Variants in FBXL5 observed in about 807,000 individuals in gnomAD.
FBXL5 encodes F-box and leucine rich repeat protein 5, also known as F-box/LRR-repeat protein 5.
A neutral mutation model predicts 78.3 loss-of-function variants in FBXL5; 26 were observed. The observed-to-expected ratio is 0.33, with a 90% CI of 0.24 to 0.46. The LOEUF (loss-of-function observed/expected upper bound fraction) is 0.46, where lower values mean the gene tolerates loss of function less well. Ranked by LOEUF, FBXL5 falls within the 20% of genes least tolerant of loss-of-function variation. FBXL5 has a pLI of 1.00. For missense variants in FBXL5, 710 were observed against 829.2 expected, an observed-to-expected ratio of 0.86 and a Z score of 1.77; for synonymous variants, 295 against 282.5, an observed-to-expected ratio of 1.04 and a Z score of -0.45.
intron 1 of FBXL5, among the ~76,000 whole-genome samples, chr4:15,648,500 G>A (rs1178748649): frequency 6.6e-6 from 1 of 152,096 alleles, no homozygotes; most frequent in African/African-American, 2.4e-5. Context: ...GTCCACAAAT[G>A]AGTAAAGAAA....
chr4:15,680,909 TTATATA>T (rs1718223364), intron 1 of FBXL5, among the ~76,000 whole-genome samples: 3 of 148,774 alleles, frequency 2.0e-5, no homozygotes, highest in South Asian at 4.2e-4. Flanking sequence ...GCAGTATATA[TTATATA>T]TATAAGAATA....
At chr4:15,672,312 A>G (rs1429644061) in intron 1 of FBXL5, among the ~76,000 whole-genome samples, 1 of 152,210 alleles carries the variant, frequency 6.6e-6, no homozygotes, top group East Asian at 1.9e-4. Context: ...TCTGAGCACG[A>G]CACAATTACA....
At chr4:15,619,662 T>C (rs986657431) in intron 9 of FBXL5, among the ~76,000 whole-genome samples, 1 of 152,036 alleles carries the variant, frequency 6.6e-6, no homozygotes, top group Admixed American at 6.6e-5. Context: ...CCAGAGCAAT[T>C]AGACAAGAAA....
chr4:15,610,222 CTTCT>C (rs1410962660), intron 10 of FBXL5, among the ~76,000 whole-genome samples: 1 of 152,040 alleles, frequency 6.6e-6, no homozygotes, highest in Admixed American at 6.6e-5. Flanking sequence ...TACAACACAA[CTTCT>C]TTCTAACACT....
chr4:15,629,889 G>C (rs1016768161), intron 6 of FBXL5, among the ~76,000 whole-genome samples: 7 of 151,830 alleles, frequency 4.6e-5, no homozygotes, highest in Non-Finnish European at 1.0e-4. Context: ...ATTTCCTATA[G>C]TTTCAGTTTT....
upstream of FBXL5, among the ~76,000 whole-genome samples, chr4:15,657,914 A>G (rs1212847312): frequency 1.3e-5 from 2 of 152,208 alleles, no homozygotes; most frequent in Non-Finnish European, 2.9e-5. Context: ...GATAATTCCA[A>G]CAGACCATCT....
chr4:15,627,680 T>C (rs191734520), intron 7 of FBXL5, among the ~76,000 whole-genome samples: 4 of 152,258 alleles, frequency 2.6e-5, no homozygotes, highest in East Asian at 1.9e-4. Flanking sequence ...CTGTAACATA[T>C]AGGTAATGAT....
chr4:15,628,487 T>G (rs1477929784), intron 6 of FBXL5, among the ~76,000 whole-genome samples: 1 of 152,060 alleles, frequency 6.6e-6, no homozygotes, highest in South Asian at 2.1e-4. Flanking sequence ...ACATCCACCA[T>G]GAAAACACCA....
intron 6 of FBXL5, 79 bp from the exon 7 acceptor site, chr4:15,628,112 A>G: frequency 2.3e-6 from 3 of 1,330,902 alleles, no homozygotes; most frequent in Non-Finnish European, 3.1e-6. Flanking sequence ...CAAATTGTTA[A>G]ATATGACATA....
chr4:15,674,100 T>C (rs1717872154), intron 1 of FBXL5, among the ~76,000 whole-genome samples: 1 of 152,168 alleles, frequency 6.6e-6, no homozygotes, highest in South Asian at 2.1e-4. Context: ...TCCAACACTC[T>C]GAATCAAAAA....
In FBXL5 at chr4:15,638,513, T is replaced by C; in HGVS notation, c.578A>G (p.Asp193Gly). The change falls in exon 4 of 11, where the codon GAT (aspartate) becomes GGT (glycine). Residue 193 changes from aspartate (D) to glycine (G), a missense_variant. Coordinates refer to ENST00000341285, the MANE Select transcript of FBXL5 (RefSeq NM_012161.4). ...TTTATATATATGAATCTCACCTTTA[T>C]CTGACTTTTCATCCACGGAATATTT... The part of the protein sequence containing the change: ...FFKYSVDEKS[D>G]KEAEVSEHST... 6.3e-7 allele frequency: 1 copy of C among 1,590,446 alleles called. No homozygotes were observed. Among genetic ancestry groups the C allele is most frequent in the East Asian group, 2.2e-5 (1 of 44,714 alleles).
At chr4:15,617,846 T>C (rs543080006) in intron 9 of FBXL5, among the ~76,000 whole-genome samples, 4 of 152,272 alleles carry the variant, frequency 2.6e-5, no homozygotes, top group African/African-American at 7.2e-5. Context: ...TCAGGAAGAA[T>C]AGCTAGTAAA....
intron 2 of FBXL5, among the ~76,000 whole-genome samples, chr4:15,643,581 ATT>A (rs1491486758): frequency 3.3e-5 from 5 of 151,904 alleles, no homozygotes; most frequent in Non-Finnish European, 7.4e-5. Context: ...AAATTTTTAT[ATT>A]TTTAGTAAAG....
chr4:15,663,643 G>A (rs1480371296), upstream of FBXL5, among the ~76,000 whole-genome samples: 1 of 152,158 alleles, frequency 6.6e-6, no homozygotes, highest in African/African-American at 2.4e-5. Context: ...GGACTGTGGT[G>A]GAGATTAAAT....
At chr4:15,610,255 T>C (rs1472106753) in intron 10 of FBXL5, among the ~76,000 whole-genome samples, 4 of 152,066 alleles carry the variant, frequency 2.6e-5, no homozygotes, top group Admixed American at 2.6e-4. Context: ...TGTCCACATA[T>C]CCTTTTAAGG....
intron 9 of FBXL5, among the ~76,000 whole-genome samples, chr4:15,613,913 T>C (rs1171984081): frequency 6.6e-6 from 1 of 152,248 alleles, no homozygotes; most frequent in Non-Finnish European, 1.5e-5. Flanking sequence ...GCTTAGTAAT[T>C]GACCTTCTGA....
At position 15,635,540 on chromosome 4, in the gene FBXL5, G is replaced by C. The variant is rs192452724; in HGVS notation, c.766+954C>G. ...AGGCCAAGGCAGGTGGATCACCAGAGGTCAGGAATTCGAGACCAGCCTGAT... is the reference window on the plus strand; with the variant it reads ...AGGCCAAGGCAGGTGGATCACCAGACGTCAGGAATTCGAGACCAGCCTGAT... On this transcript the variant is annotated intron_variant, in intron 5 of 10. Coordinates refer to ENST00000341285, the MANE Select transcript of FBXL5 (RefSeq NM_012161.4). Among the ~76,000 whole-genome samples the C allele has an allele frequency of 2.1e-4, 32 of 151,998 alleles. No individual in the cohort carries two copies. The East Asian group carries it at 6.0e-3, about 29-fold the overall frequency.
rs1560219427 is a variant in FBXL5 at position 15,625,871 on chromosome 4, G to C, written c.1231C>G (p.Leu411Val). 6 of 1,614,082 alleles carry C rather than the reference G, an allele frequency of 3.7e-6. No individual in the cohort carries two copies. The highest frequency in any genetic ancestry group is 5.1e-6 in the Non-Finnish European group (6 of 1,180,026). The change falls in exon 9 of 11, where the codon CTG becomes GTG. Residue 411 changes from leucine to valine, a missense_variant. Around this residue, in one of 4 missense-constraint regions of FBXL5, gnomAD observed 517 missense variants for 542.9 expected, o/e 0.95. Transcript: ENST00000341285. ...LEKISRALGI[L>V]TSHQSGFLKT... Reference sequence around the variant, plus strand: ...AAAAAGCCACTTTGATGAGATGTCAGAATTCCAAGAGCTCTGGAAATCTTC... The same window carrying C: ...AAAAAGCCACTTTGATGAGATGTCACAATTCCAAGAGCTCTGGAAATCTTC...
upstream of FBXL5, chr4:15,656,437 G>A (rs1240644989): frequency 1.1e-5 from 4 of 380,132 alleles, no homozygotes; most frequent in Admixed American, 1.3e-4. Flanking sequence ...AGGAGGGCAA[G>A]AACCAGATAT....
Sources: allele counts gnomAD v4.1 joint callset (sites outside exome capture counted in the v4.1 genomes callset), GRCh38; gene constraint gnomAD v4.1.1; regional missense constraint gnomAD v4.1.1; transcripts MANE v1.5; gene names NCBI Gene and HGNC (gene_info 2026-07-23, HGNC 2026-07-21).